FSHR: variants seen among roughly 807,000 people sequenced by gnomAD.
FSHR encodes follicle stimulating hormone receptor, also known as follicle-stimulating hormone receptor.
FSHR carries 46 observed loss-of-function variants against 52.1 expected under a neutral mutation model. The ratio of observed to expected loss-of-function variants is 0.88; its 90% CI spans 0.70 to 1.13. The LOEUF is 1.13. Among genes scored for constraint, FSHR ranks in the 50% most tolerant of loss-of-function variants. FSHR has a pLI of 0.00. For missense variants in FSHR, 964 were observed against 834.6 expected (o/e 1.16, Z -1.91); for synonymous variants, 399 against 309.6 (o/e 1.29, Z -3.03).
chr2:49,082,360 A>G (rs1206867644), intron 1 of FSHR, among the ~76,000 whole-genome samples: 1 of 152,212 alleles, frequency 6.6e-6, no homozygotes, highest in Non-Finnish European at 1.5e-5. Context: ...CACCATCATC[A>G]AAGACCAAAA....
Position 49,020,157 on chromosome 2 carries a change from C to T in FSHR, c.228G>A (p.Glu76=). Residue 76 remains glutamate (E), a synonymous_variant, in exon 3 of 10, where the codon GAG becomes GAA. Transcript: ENST00000406846. ...FSGFGDLEKI[E]ISQNDVLEVI... ...CCTCCAAGACATCATTCTGAGAGAT[C>T]TCTCTGTGGAGAAAAAAATATATAA... 6.2e-7 allele frequency: 1 copy of T among 1,612,892 alleles called. No homozygotes were observed. Among genetic ancestry groups the T allele is most frequent in the East Asian group, 2.2e-5 (1 of 44,872 alleles).
At chr2:49,102,134 G>A (rs541155129) in intron 1 of FSHR, among the ~76,000 whole-genome samples, 2 of 152,190 alleles carry the variant, frequency 1.3e-5, no homozygotes, top group Admixed American at 6.5e-5. Flanking sequence ...AGTGCAGAGG[G>A]CCACATATAG....
At chr2:49,094,056 C>G (rs1670725142) in intron 1 of FSHR, among the ~76,000 whole-genome samples, 2 of 152,102 alleles carry the variant, frequency 1.3e-5, no homozygotes, top group South Asian at 2.1e-4. Flanking sequence ...TTTGTTTACT[C>G]TATATTTCAT....
rs1027186905 is a variant in FSHR at position 49,034,931 on chromosome 2, A to G, written c.225-14771T>C. 5.3e-5 allele frequency among the ~76,000 whole-genome samples: 8 copies of G among 152,224 alleles called. 1 individual carries two copies. The highest frequency in any genetic ancestry group is 1.9e-4 in the African/African-American group (8 of 41,470). ...TGGTATTTGAAGGTGGAATTTGGGC[A>G]TTAGGGATAAGCCAGCAAAGGTGTT... is the stretch of plus-strand genomic sequence containing the variant. On this transcript the variant is annotated intron_variant, in intron 2 of 9. Transcript: ENST00000406846.
At chr2:49,051,041 T>A (rs1668838722) in intron 2 of FSHR, among the ~76,000 whole-genome samples, 1 of 152,154 alleles carries the variant, frequency 6.6e-6, no homozygotes, top group South Asian at 2.1e-4. Flanking sequence ...GAGAGATTTA[T>A]CCATGTTGTT....
At position 49,013,113 on chromosome 2, in the gene FSHR, C is replaced by T. The variant is rs996919856; in HGVS notation, c.374+4376G>A. ...CCTCTCTCTCCCTCTCTCTCTCTTT[C>T]TCTATCTTCCCCCCCCACCCCCACT... On this transcript the variant is annotated intron_variant, in intron 4 of 9. Transcript: ENST00000406846. Among the ~76,000 whole-genome samples the T allele has an allele frequency of 2.6e-5, 4 of 151,610 alleles. No homozygotes were observed. The Admixed American group carries it at 2.6e-4, about 10-fold the overall frequency.
intron 1 of FSHR, among the ~76,000 whole-genome samples, chr2:49,093,118 C>T (rs1670675600): frequency 1.3e-5 from 2 of 152,130 alleles, no homozygotes; most frequent in African/African-American, 4.8e-5. Context: ...AATATTTGTC[C>T]ATAGTTTTCC....
At chr2:49,039,232 T>A (rs1668398642) in intron 2 of FSHR, among the ~76,000 whole-genome samples, 1 of 152,196 alleles carries the variant, frequency 6.6e-6, no homozygotes, top group Non-Finnish European at 1.5e-5. Context: ...CCCTCTTACA[T>A]CTTTTGTTTT....
intron 4 of FSHR, among the ~76,000 whole-genome samples, chr2:49,002,116 T>C (rs1331201811): frequency 6.6e-6 from 1 of 152,122 alleles, no homozygotes; most frequent in African/African-American, 2.4e-5. Flanking sequence ...GTAAAATGGA[T>C]CCACCAGTAA....
intron 1 of FSHR, among the ~76,000 whole-genome samples, chr2:49,141,982 C>T (rs115561169): frequency 2.6e-4 from 39 of 152,266 alleles, no homozygotes; most frequent in African/African-American, 9.4e-4. Context: ...AGCTACAGTG[C>T]AAAATTGTTG....
chr2:49,090,327 T>A (rs1670557823), intron 1 of FSHR, among the ~76,000 whole-genome samples: 1 of 152,228 alleles, frequency 6.6e-6, no homozygotes, highest in Non-Finnish European at 1.5e-5. Flanking sequence ...TCTCTGTTAC[T>A]ATAACTTTGT....
At chr2:48,966,941 T>C (rs1326400910) in intron 9 of FSHR, among the ~76,000 whole-genome samples, 1 of 152,152 alleles carries the variant, frequency 6.6e-6, no homozygotes, top group Non-Finnish European at 1.5e-5. Flanking sequence ...CCTCATGTCC[T>C]GTGACAATAT....
intron 1 of FSHR, among the ~76,000 whole-genome samples, chr2:49,128,663 A>T (rs1672150690): frequency 6.9e-6 from 1 of 145,296 alleles, no homozygotes; most frequent in East Asian, 2.2e-4. Context: ...ATTGTCCAGG[A>T]AGGTGTTGAA....
In FSHR at chr2:49,154,457, A is replaced by G. The variant is rs1317756940; in HGVS notation, c.-40T>C. 36 of 1,608,382 alleles carry G rather than the reference A, an allele frequency of 2.2e-5. No homozygotes were observed. The highest frequency in any genetic ancestry group is 3.0e-5 in the Non-Finnish European group (35 of 1,176,998). On this transcript the variant is annotated 5_prime_UTR_variant, in exon 1 of 10. Coordinates refer to ENST00000406846, the MANE Select transcript of FSHR (RefSeq NM_000145.4). ...CCACCTGATTTCTTCCTGCATTTGCAGAGAAAAACCTCCACAGATCTCAGA... is the reference window on the plus strand; with the variant it reads ...CCACCTGATTTCTTCCTGCATTTGCGGAGAAAAACCTCCACAGATCTCAGA...
intron 1 of FSHR, among the ~76,000 whole-genome samples, chr2:49,076,727 C>A (rs1245130272): frequency 6.6e-6 from 1 of 152,190 alleles, no homozygotes; most frequent in Non-Finnish European, 1.5e-5. Flanking sequence ...TAGTTACTAC[C>A]TAGATACAAT....
intron 4 of FSHR, among the ~76,000 whole-genome samples, chr2:48,996,108 C>T (rs188260823): frequency 3.9e-5 from 6 of 152,280 alleles, no homozygotes; most frequent in Admixed American, 3.3e-4. Context: ...ACTCTTTTCT[C>T]TACCTACTAA....
intron 1 of FSHR, among the ~76,000 whole-genome samples, chr2:49,128,183 T>C (rs1558457319): frequency 1.3e-5 from 2 of 151,962 alleles, no homozygotes; most frequent in South Asian, 2.1e-4. Flanking sequence ...GCCCAGCCAA[T>C]TTATGCTTGA....
At chr2:48,992,429 A>C (rs561473321) in intron 4 of FSHR, among the ~76,000 whole-genome samples, 2 of 152,286 alleles carry the variant, frequency 1.3e-5, no homozygotes, top group South Asian at 4.1e-4. Context: ...GGAATCATCC[A>C]TGATGTCCCC....
At chr2:49,138,616 T>A (rs569103887) in intron 1 of FSHR, among the ~76,000 whole-genome samples, 1 of 147,976 alleles carries the variant, frequency 6.8e-6, no homozygotes. Context: ...CTTCATATTG[T>A]ATGATCCCAC....
Sources: allele counts gnomAD v4.1 joint callset (sites outside exome capture counted in the v4.1 genomes callset), GRCh38; gene constraint gnomAD v4.1.1; transcripts MANE v1.5; gene names NCBI Gene and HGNC (gene_info 2026-07-23, HGNC 2026-07-21).